The following EYA2 variants were observed in gnomAD, a reference collection of about 807,000 sequenced individuals.
EYA2 encodes the protein protein phosphatase EYA2.
In EYA2, 31 loss-of-function variants were observed where a neutral mutation model predicts 69.2. That is an observed-to-expected ratio of 0.45 (90% CI 0.34 to 0.60). The LOEUF is 0.60. Among genes scored for constraint, EYA2 ranks in the 20% least tolerant of loss-of-function variants. The pLI is 0.02. For missense variants in EYA2, 622 were observed against 701.2 expected, an observed-to-expected ratio of 0.89 and a Z score of 1.28; for synonymous variants, 257 against 279.4, an observed-to-expected ratio of 0.92 and a Z score of 0.80.
chr20:47,097,542 C>A (rs902937159), intron 9 of EYA2, among the ~76,000 whole-genome samples: 9 of 152,154 alleles, frequency 5.9e-5, no homozygotes, highest in African/African-American at 2.2e-4. Flanking sequence ...GTTGTTTATC[C>A]TAGTGTCTCC....
At chr20:47,173,296 GGAATCCCCCCTTGGATTCTGGAATTCCA>G (rs2034362500) in intron 12 of EYA2, among the ~76,000 whole-genome samples, 1 of 151,802 alleles carries the variant, frequency 6.6e-6, no homozygotes, top group Non-Finnish European at 1.5e-5. Context: ...TCACAGCCCT[GGAATCCCCCCTTGGATTCTGGAATTCCA>G]GAATCCCCCT....
chr20:46,931,010 C>T (rs1416875153), intron 1 of EYA2, among the ~76,000 whole-genome samples: 1 of 152,180 alleles, frequency 6.6e-6, no homozygotes, highest in East Asian at 1.9e-4. Flanking sequence ...AGTGTGATAA[C>T]CGAAAACGTC....
In EYA2 at chr20:47,016,085, G is replaced by A. The variant is rs77478939; in HGVS notation, c.299-96G>A. The A allele has an allele frequency of 2.2e-3, 1,924 of 875,430 alleles. 22 individuals are homozygous for A. In the African/African-American group the frequency reaches 0.029, roughly 13 times the overall value. The allele number at this position is 875,430 out of a possible 1,614,324, so 54.2% of individuals were successfully genotyped here. Reference sequence around the variant, plus strand: ...TCCTCATTTGGAAGCTGATAAAATTGCATGCTGTCTTGACCCAGTAGCTCT... The same window carrying A: ...TCCTCATTTGGAAGCTGATAAAATTACATGCTGTCTTGACCCAGTAGCTCT... On this transcript the variant is annotated intron_variant, in intron 4 of 15. Coordinates refer to ENST00000327619, the MANE Select transcript of EYA2 (RefSeq NM_005244.5).
At chr20:46,992,339 A>C (rs1336633105) in intron 2 of EYA2, among the ~76,000 whole-genome samples, 1 of 152,210 alleles carries the variant, frequency 6.6e-6, no homozygotes, top group Admixed American at 6.5e-5. Context: ...GAGATGGCAC[A>C]GGTGATAGCC....
chr20:47,027,028 C>T (rs539413258), intron 5 of EYA2, among the ~76,000 whole-genome samples: 25 of 152,072 alleles, frequency 1.6e-4, no homozygotes, highest in Non-Finnish European at 3.7e-4. Flanking sequence ...AACCACAGGT[C>T]CCGAGATGTC....
In EYA2 at chr20:46,958,459, A is replaced by T. The variant is rs1431954206; in HGVS notation, c.-10-31542A>T. ...GCTCACGTGTAATTATGAAAAAAAA[A>T]CATGAACATGTTATATAGTTTTTCA... is the stretch of plus-strand genomic sequence containing the variant. On this transcript the variant is annotated intron_variant, in intron 1 of 15. Transcript: ENST00000327619. 2.0e-5 allele frequency among the ~76,000 whole-genome samples: 3 copies of T among 152,156 alleles called. No individual in the cohort carries two copies. The East Asian group carries it at 5.8e-4, about 29-fold the overall frequency.
chr20:46,911,015 A>G (rs1284990409), intron 1 of EYA2, among the ~76,000 whole-genome samples: 2 of 152,238 alleles, frequency 1.3e-5, no homozygotes, highest in African/African-American at 4.8e-5. Context: ...GGTTCAGGTT[A>G]GTTACCATTT....
chr20:47,050,928 G>T (rs1436702132), intron 5 of EYA2, among the ~76,000 whole-genome samples: 1 of 152,262 alleles, frequency 6.6e-6, no homozygotes, highest in African/African-American at 2.4e-5. Flanking sequence ...GACAGATACA[G>T]GATGTGTGAT....
chr20:47,048,815 ACT>A (rs150976241), intron 5 of EYA2, among the ~76,000 whole-genome samples: 2,560 of 152,256 alleles, frequency 0.017, 63 homozygotes, highest in African/African-American at 0.058. Context: ...GAGGCTCAAG[ACT>A]CTATAAATTG....
At chr20:46,953,087 T>A (rs1978901384) in intron 1 of EYA2, among the ~76,000 whole-genome samples, 1 of 152,210 alleles carries the variant, frequency 6.6e-6, no homozygotes, top group Non-Finnish European at 1.5e-5. Flanking sequence ...TTAACAGCAT[T>A]ATTCCTAATA....
intron 12 of EYA2, 143 bp from the exon 13 acceptor site, chr20:47,179,655 A>G: frequency 1.7e-6 from 1 of 595,614 alleles, no homozygotes; most frequent in Admixed American, 2.9e-5. Flanking sequence ...GATAAGATTG[A>G]GAGAAGCCAC....
intron 5 of EYA2, among the ~76,000 whole-genome samples, chr20:47,066,709 A>G (rs927440123): frequency 6.6e-6 from 1 of 152,188 alleles, no homozygotes; most frequent in Non-Finnish European, 1.5e-5. Context: ...TTTTTATTCT[A>G]ATCAGCCATG....
At chr20:47,170,968 G>A (rs576447699) in intron 11 of EYA2, among the ~76,000 whole-genome samples, 95 of 152,322 alleles carry the variant, frequency 6.2e-4, no homozygotes, top group South Asian at 1.9e-3. Flanking sequence ...GTGATCAGCC[G>A]GCAGATGCCT....
intron 1 of EYA2, among the ~76,000 whole-genome samples, chr20:46,911,231 T>TGTGTGTG (rs1984627777): frequency 6.7e-6 from 1 of 148,238 alleles, no homozygotes; most frequent in African/African-American, 2.5e-5. Context: ...GCTGGATAAT[T>TGTGTGTG]TGTGTGTGTG....
chr20:47,130,913 A>T (rs1255575270), intron 9 of EYA2, among the ~76,000 whole-genome samples: 1 of 152,130 alleles, frequency 6.6e-6, no homozygotes, highest in Non-Finnish European at 1.5e-5. Flanking sequence ...AACATGGTGA[A>T]ACCCCATCTC....
intron 1 of EYA2, among the ~76,000 whole-genome samples, chr20:46,983,724 A>C (rs1568703035): frequency 8.5e-5 from 13 of 152,170 alleles, no homozygotes; most frequent in Admixed American, 8.5e-4. Context: ...TGTCCTAACT[A>C]CTTTAGTAAT....
chr20:47,045,917 C>A (rs577623459), intron 5 of EYA2, among the ~76,000 whole-genome samples: 17 of 152,310 alleles, frequency 1.1e-4, no homozygotes, highest in African/African-American at 4.1e-4. Flanking sequence ...TCTTGCTGTT[C>A]CACAAGTCTG....
At chr20:47,013,519 T>C (rs1003961338) in intron 4 of EYA2, among the ~76,000 whole-genome samples, 2 of 152,226 alleles carry the variant, frequency 1.3e-5, no homozygotes, top group African/African-American at 4.8e-5. Context: ...TGAGGAAGTA[T>C]GTACATTTCA....
intron 1 of EYA2, among the ~76,000 whole-genome samples, chr20:46,938,937 C>G (rs1986033179): frequency 6.6e-6 from 1 of 152,206 alleles, no homozygotes; most frequent in Non-Finnish European, 1.5e-5. Context: ...TACTGTACTA[C>G]TACCTAACAT....
Sources: allele counts gnomAD v4.1 joint callset (sites outside exome capture counted in the v4.1 genomes callset), GRCh38; gene constraint gnomAD v4.1.1; transcripts MANE v1.5; gene names NCBI Gene and HGNC (gene_info 2026-07-23, HGNC 2026-07-21).